Variants in PRKN observed in about 807,000 individuals in gnomAD.
PRKN encodes the protein parkin RBR E3 ubiquitin protein ligase, also known as E3 ubiquitin-protein ligase parkin.
In PRKN, 56 loss-of-function variants were observed where a neutral mutation model predicts 59.5. That is an observed-to-expected ratio of 0.94 (90% CI 0.76 to 1.18). The LOEUF is 1.18. PRKN is among the 50% of genes most tolerant of loss of function. The probability of loss-of-function intolerance (pLI) is 0.00; values close to 1 mark genes in which losing one functional copy is unlikely to be tolerated. For missense variants in PRKN, 657 were observed against 596.4 expected (o/e 1.10, Z -1.06); for synonymous variants, 250 against 222.1 (o/e 1.13, Z -1.12).
chr6:161,804,845 G>A (rs935679021), intron 6 of PRKN, among the ~76,000 whole-genome samples: 7 of 152,214 alleles, frequency 4.6e-5, no homozygotes, highest in African/African-American at 7.2e-5. Context: ...TATGGCAGAA[G>A]GGCCTAATCC....
At chr6:162,190,838 T>C (rs1391873228) in intron 4 of PRKN, among the ~76,000 whole-genome samples, 1 of 152,230 alleles carries the variant, frequency 6.6e-6, no homozygotes, top group Non-Finnish European at 1.5e-5. Flanking sequence ...GTGAGATTTT[T>C]GAGCCATTCG....
intron 1 of PRKN, among the ~76,000 whole-genome samples, chr6:162,633,714 T>C: frequency 6.6e-6 from 1 of 151,874 alleles, no homozygotes; most frequent in Non-Finnish European, 1.5e-5. Context: ...GGACCCTGAA[T>C]GTGCCTGGGA....
At chr6:162,700,873 T>C (rs1200360093) in intron 1 of PRKN, among the ~76,000 whole-genome samples, 1 of 152,124 alleles carries the variant, frequency 6.6e-6, no homozygotes, top group Non-Finnish European at 1.5e-5. Flanking sequence ...TCAAGGCCTG[T>C]CCTTTTGGTA....
chr6:161,703,839 C>CTTTTTTTT (rs71004062), intron 7 of PRKN, among the ~76,000 whole-genome samples: 7 of 59,854 alleles, frequency 1.2e-4, no homozygotes, highest in East Asian at 5.6e-4. Context: ...CTCTCTCTCT[C>CTTTTTTTT]TTTTTTTTTT....
At chr6:161,941,723 G>C (rs1043651440) in intron 6 of PRKN, among the ~76,000 whole-genome samples, 1 of 152,156 alleles carries the variant, frequency 6.6e-6, no homozygotes, top group East Asian at 1.9e-4. Context: ...AGCCCTGTCT[G>C]TATGCTCCCC....
chr6:161,417,811 C>A lies in PRKN; in HGVS notation c.1084-30934G>T, dbSNP rs1378925879. Among the ~76,000 whole-genome samples the A allele has an allele frequency of 6.6e-6, 1 of 152,186 alleles. No homozygotes were observed. The highest frequency in any genetic ancestry group is 2.4e-5 in the African/African-American group (1 of 41,426). On this transcript the variant is annotated intron_variant, in intron 9 of 11. Transcript: ENST00000366898. The surrounding 1 kb of genome is among the most constrained non-coding windows in gnomAD (Gnocchi z 5.4). The stretch of plus-strand genomic sequence containing the variant: ...GAAAATACCAGCTTTTGTAAATCAA[C>A]AGTGTCTAATAATCCCCCAAGGACA...
intron 1 of PRKN, among the ~76,000 whole-genome samples, chr6:162,511,084 A>G (rs903670935): frequency 6.6e-6 from 1 of 152,168 alleles, no homozygotes; most frequent in Admixed American, 6.6e-5. Context: ...GTTTTCCACT[A>G]ATATTTTTTC....
chr6:161,908,384 A>G (rs2128236501), intron 6 of PRKN, among the ~76,000 whole-genome samples: 1 of 152,296 alleles, frequency 6.6e-6, no homozygotes, highest in African/African-American at 2.4e-5. Context: ...CTCTCCTGCC[A>G]GATTGCCAGT....
intron 9 of PRKN, among the ~76,000 whole-genome samples, chr6:161,517,783 G>T (rs1326411390): frequency 7.2e-6 from 1 of 139,628 alleles, no homozygotes; most frequent in African/African-American, 2.6e-5. Flanking sequence ...GGTGGTAGTT[G>T]CACAAACCTA....
rs1025274229 is a variant in PRKN, at chr6:161,750,116, TATAC to T, written c.871+35652_871+35655del. On this transcript the variant is annotated intron_variant, in intron 7 of 11. Transcript: ENST00000366898. ...CATAGGACATATATATATATATATA[TATAC>T]ACACACACACACACACACACACATA... Among the ~76,000 whole-genome samples the T allele has an allele frequency of 3.1e-4, 43 of 139,244 alleles. No homozygotes were observed. The South Asian group carries it at 4.6e-3, about 15-fold the overall frequency. The allele number at this position is 139,244 out of a possible 152,430, so 91.3% of individuals were successfully genotyped here.
In PRKN at chr6:161,463,026, GA is replaced by G. The variant is rs1211370287; in HGVS notation, c.1084-76150del. On this transcript the variant is annotated intron_variant, in intron 9 of 11. Transcript: ENST00000366898. The surrounding 1 kb of genome is among the most constrained non-coding windows in gnomAD (Gnocchi z 4.8). Reference sequence around the variant, plus strand: ...TACTGGAAGCAACAGGAAAGTCAGAGAGATAAATACTTACATAAATACTAAA... The same window carrying G: ...TACTGGAAGCAACAGGAAAGTCAGAGGATAAATACTTACATAAATACTAAA... Among the ~76,000 whole-genome samples the G allele has an allele frequency of 1.3e-5, 2 of 152,182 alleles. No individual in the cohort carries two copies. Among genetic ancestry groups the G allele is most frequent in the African/African-American group, 4.8e-5 (2 of 41,434 alleles).
chr6:162,162,805 C>T (rs977285784), intron 4 of PRKN, among the ~76,000 whole-genome samples: 2 of 141,950 alleles, frequency 1.4e-5, no homozygotes, highest in Non-Finnish European at 3.1e-5. Flanking sequence ...GTAAGGAGTT[C>T]GAGACCAGCC....
At chr6:162,399,496 T>A (rs1442519646) in intron 2 of PRKN, among the ~76,000 whole-genome samples, 1 of 152,104 alleles carries the variant, frequency 6.6e-6, no homozygotes, top group Non-Finnish European at 1.5e-5. Context: ...CCACAATACA[T>A]GTCCATGAAA....
At chr6:162,663,824 G>A (rs1401763335) in intron 1 of PRKN, among the ~76,000 whole-genome samples, 3 of 152,068 alleles carry the variant, frequency 2.0e-5, no homozygotes, top group African/African-American at 7.2e-5. Flanking sequence ...TTTGGATGGG[G>A]AGAATGTAGC....
intron 7 of PRKN, among the ~76,000 whole-genome samples, chr6:161,605,514 CTT>C (rs71704943): frequency 9.7e-4 from 139 of 142,628 alleles, no homozygotes; most frequent in African/African-American, 2.6e-3. Context: ...TGCCCTCTCT[CTT>C]TTTTTTTTTT....
At chr6:161,774,500 C>G (rs1789838601) in intron 7 of PRKN, among the ~76,000 whole-genome samples, 1 of 151,982 alleles carries the variant, frequency 6.6e-6, no homozygotes, top group Non-Finnish European at 1.5e-5. Flanking sequence ...GTGACATGCT[C>G]CATTTGCAGG....
chr6:162,680,997 A>T (rs1392799681), intron 1 of PRKN, among the ~76,000 whole-genome samples: 1 of 152,216 alleles, frequency 6.6e-6, no homozygotes, highest in East Asian at 1.9e-4. Context: ...CATAAGACAC[A>T]AATAAAACAA....
intron 1 of PRKN, among the ~76,000 whole-genome samples, chr6:162,591,217 T>C (rs1162215009): frequency 1.3e-5 from 2 of 149,862 alleles, no homozygotes; most frequent in Admixed American, 1.3e-4. Context: ...GGCAGAATGA[T>C]ACTTTCTTTT....
chr6:161,936,508 T>C (rs9458423), intron 6 of PRKN, among the ~76,000 whole-genome samples: 83,768 of 151,778 alleles, frequency 0.55, 23,242 homozygotes, highest in Middle Eastern at 0.67. Context: ...CATGCCCGGC[T>C]GGTAACAGTT....
Sources: gnomAD v4.1 joint callset for allele counts (sites outside exome capture counted in the v4.1 genomes callset) on GRCh38, gnomAD v4.1.1 for gene constraint, Gnocchi (gnomAD v3.1) non-coding constraint, MANE v1.5 for transcripts, NCBI Gene and HGNC (gene_info 2026-07-23, HGNC 2026-07-21) for gene names.